The following ZNF699 variants were observed in gnomAD, a reference collection of about 807,000 sequenced individuals.
ZNF699 encodes the protein zinc finger protein 699, also known as hangover homolog.
A neutral mutation model predicts 22.5 loss-of-function variants in ZNF699; 18 were observed. The ratio of observed to expected loss-of-function variants is 0.80; its 90% CI spans 0.55 to 1.19. ZNF699 has a LOEUF of 1.19. ZNF699 is among the 50% of genes most tolerant of loss of function. The pLI, the probability that ZNF699 is intolerant of heterozygous loss-of-function variation, is 0.00. For synonymous variants in ZNF699, 241 were observed against 262.3 expected, an observed-to-expected ratio of 0.92 and a Z score of 0.78; for missense variants, 670 against 763.4, an observed-to-expected ratio of 0.88 and a Z score of 1.44.
chr19:9,304,581 A>G (rs1224162767), intron 2 of ZNF699, among the ~76,000 whole-genome samples: 1 of 152,226 alleles, frequency 6.6e-6, no homozygotes, highest in Non-Finnish European at 1.5e-5. Context: ...GTGTTTATGT[A>G]CTGTCTATGG....
chr19:9,306,132 G>A (rs534191547), intron 1 of ZNF699, among the ~76,000 whole-genome samples: 74 of 150,386 alleles, frequency 4.9e-4, no homozygotes, highest in African/African-American at 1.6e-3. Flanking sequence ...GGTGGCTCAC[G>A]CCTGTAATCC....
At position 9,295,972 on chromosome 19, in the gene ZNF699, T is replaced by TA; in HGVS notation, c.1431dup (p.Lys478Ter). The TA allele has an allele frequency of 6.2e-7, 1 of 1,614,100 alleles. No homozygotes were observed. Among genetic ancestry groups the TA allele is most frequent in the South Asian group, 1.1e-5 (1 of 91,082 alleles). On this transcript the variant is annotated frameshift_variant, in exon 6 of 6. Coordinates refer to ENST00000591998, the MANE Select transcript of ZNF699 (RefSeq NM_198535.3). LOFTEE classifies it low-confidence loss of function (END_TRUNC). ...CGACTAAAGGTCTTCCCACACTCCT[T>TA]ACATTCATACTGTATCTTTCCAGTG...
Position 9,295,147 on chromosome 19 carries a change from G to C in ZNF699, c.*328C>G. 1 of 269,400 alleles carries C rather than the reference G, an allele frequency of 3.7e-6. No homozygotes were observed. The highest frequency in any genetic ancestry group is 6.9e-6 in the Non-Finnish European group (1 of 144,126). 16.7% of individuals were successfully genotyped at this position (269,400 alleles called of 1,614,324 possible). ...AAATTAAAGCACCTCATACTAAAAA[G>C]TATGTGGCTAGAGCTGAAAAGGTAA... On this transcript the variant is annotated 3_prime_UTR_variant, in exon 6 of 6. Coordinates refer to ENST00000591998, the MANE Select transcript of ZNF699 (RefSeq NM_198535.3).
intron 2 of ZNF699, among the ~76,000 whole-genome samples, chr19:9,304,653 C>T (rs1020983974): frequency 6.6e-6 from 1 of 152,176 alleles, no homozygotes; most frequent in Non-Finnish European, 1.5e-5. Flanking sequence ...CGGCCGGGCA[C>T]GGTGGCTCAT....
intron 1 of ZNF699, among the ~76,000 whole-genome samples, chr19:9,305,790 C>T (rs144090152): frequency 0.024 from 3,664 of 152,052 alleles, 101 homozygotes; most frequent in African/African-American, 0.076. Flanking sequence ...CAACCTCCAC[C>T]TCCCGGGTTC....
intron 3 of ZNF699, among the ~76,000 whole-genome samples, chr19:9,300,065 G>A (rs2066301679): frequency 6.6e-6 from 1 of 152,180 alleles, no homozygotes; most frequent in South Asian, 2.1e-4. Context: ...ATGCTGGTGA[G>A]GATGAGGAGC....
At chr19:9,298,307 G>A (rs935224431) in intron 3 of ZNF699, among the ~76,000 whole-genome samples, 6 of 152,034 alleles carry the variant, frequency 3.9e-5, no homozygotes, top group African/African-American at 9.7e-5. Flanking sequence ...TTAGCAGGGT[G>A]TGGTGGAGCA....
chr19:9,300,436 C>T (rs1568345979), intron 3 of ZNF699, among the ~76,000 whole-genome samples: 2 of 152,168 alleles, frequency 1.3e-5, no homozygotes. Flanking sequence ...AACTGAATTG[C>T]ACTCCTTTTA....
chr19:9,306,240 AAATT>A (rs979466344), intron 1 of ZNF699, among the ~76,000 whole-genome samples: 2 of 152,080 alleles, frequency 1.3e-5, no homozygotes, highest in African/African-American at 4.8e-5. Context: ...AAAAATACAA[AAATT>A]AGCCAGGCGT....
intron 3 of ZNF699, among the ~76,000 whole-genome samples, chr19:9,299,384 T>C (rs1216636859): frequency 6.6e-6 from 1 of 152,208 alleles, no homozygotes; most frequent in Non-Finnish European, 1.5e-5. Context: ...TTCACCCGCC[T>C]CGGCCTCCCA....
intron 2 of ZNF699, among the ~76,000 whole-genome samples, chr19:9,304,450 G>A (rs558475077): frequency 6.6e-6 from 1 of 151,864 alleles, no homozygotes; most frequent in South Asian, 2.1e-4. Context: ...TTGAAGCCAG[G>A]CCCACAGCTG....
At position 9,293,623 on chromosome 19, in the gene ZNF699, G is replaced by T. The variant is rs937879698; in HGVS notation, c.*1852C>A. Among the ~76,000 whole-genome samples, 4 of 152,172 alleles carry T rather than the reference G, an allele frequency of 2.6e-5. No homozygotes were observed. In the East Asian group the frequency reaches 7.7e-4, roughly 29 times the overall value. ...TATAGTAAGAGTCAAAATTGTGGTT[G>T]CCCTGTGGAGTAATTATCACTGAGA... On this transcript the variant is annotated 3_prime_UTR_variant, in exon 6 of 6. Coordinates refer to ENST00000591998, the MANE Select transcript of ZNF699 (RefSeq NM_198535.3).
At position 9,292,326 on chromosome 19, in the gene ZNF699, C is replaced by G. The variant is rs981917055; in HGVS notation, c.*3149G>C. On this transcript the variant is annotated 3_prime_UTR_variant, in exon 6 of 6. Coordinates refer to ENST00000591998, the MANE Select transcript of ZNF699 (RefSeq NM_198535.3). ...ATTCCCCAGGCCAGTGACTAGAGTACAGTGGGCAAGTGAGCCAATCAGAGC... is the reference window on the plus strand; with the variant it reads ...ATTCCCCAGGCCAGTGACTAGAGTAGAGTGGGCAAGTGAGCCAATCAGAGC... 6.6e-6 allele frequency among the ~76,000 whole-genome samples: 1 copy of G among 152,112 alleles called. No individual in the cohort carries two copies. Among genetic ancestry groups the G allele is most frequent in the Non-Finnish European group, 1.5e-5 (1 of 68,018 alleles).
chr19:9,296,955 T>A (rs763891838), intron 5 of ZNF699, 22 bp from the exon 6 acceptor site: 1 of 1,507,168 alleles, frequency 6.6e-7, no homozygotes, highest in Non-Finnish European at 8.9e-7. Context: ...AAAAGACACA[T>A]TATTAGTAAT....
Position 9,295,724 on chromosome 19 carries a change from T to C in ZNF699, c.1680A>G (p.Glu560=). 1 of 1,614,070 alleles carries C rather than the reference T, an allele frequency of 6.2e-7. No homozygotes were observed. The highest frequency in any genetic ancestry group is 1.6e-4 in the Middle Eastern group (1 of 6,062). The change falls in exon 6 of 6, where the codon GAA becomes GAG. Residue 560 remains glutamate (E), a synonymous_variant. Coordinates refer to ENST00000591998, the MANE Select transcript of ZNF699 (RefSeq NM_198535.3). ...GAAATGCTTTCCCACATTCCTTACATTCATAGGGTTTTTCCCCAGTGTGCG... is the reference window on the plus strand; with the variant it reads ...GAAATGCTTTCCCACATTCCTTACACTCATAGGGTTTTTCCCCAGTGTGCG... ...MRTHTGEKPY[E]CKECGKAFRH...
Position 9,299,157 on chromosome 19 carries a change from C to T in ZNF699, c.176-1167G>A, listed in dbSNP as rs193143271. 1.1e-3 allele frequency among the ~76,000 whole-genome samples: 165 copies of T among 152,204 alleles called. 1 individual carries two copies. Among genetic ancestry groups the T allele is most frequent in the South Asian group, 8.7e-3 (42 of 4,820 alleles). ...TAAATTTTTTTTCTTTTTTTTGAGA[C>T]GGAGTCTCGCTCTGTCGCCCAGGCG... On this transcript the variant is annotated intron_variant, in intron 3 of 5. Transcript: ENST00000591998.
chr19:9,304,967 A>G (rs1174106374), intron 2 of ZNF699, 105 bp downstream of exon 2: 1 of 819,138 alleles, frequency 1.2e-6, no homozygotes, highest in Non-Finnish European at 2.0e-6. Flanking sequence ...CTAAAATACT[A>G]TGTGGTCCAA....
chr19:9,301,437 C>T (rs572527287), intron 3 of ZNF699, among the ~76,000 whole-genome samples: 113 of 152,258 alleles, frequency 7.4e-4, no homozygotes, highest in African/African-American at 2.5e-3. Context: ...GAGAACATGG[C>T]CCTGCTGATC....
chr19:9,296,143 A>G lies in ZNF699; in HGVS notation c.1261T>C (p.Cys421Arg), dbSNP rs770848388. The change falls in exon 6 of 6, where the codon TGT (cysteine) becomes CGT (arginine). Residue 421 changes from cysteine (C) to arginine (R), a missense_variant. Cys to Arg is a radical substitution (Grantham distance 180, BLOSUM62 -3). Coordinates refer to ENST00000591998, the MANE Select transcript of ZNF699 (RefSeq NM_198535.3). ...RKHTGEKPYE[C>R]LECGKAFYLP... ...TAGAAGGCCTTTCCACATTCCAGAC[A>G]TTCATACGGTTTTTCTCCAGTGTGT... 6.2e-7 allele frequency: 1 copy of G among 1,613,954 alleles called. No homozygotes were observed. The highest frequency in any genetic ancestry group is 8.5e-7 in the Non-Finnish European group (1 of 1,180,004).
Sources: allele counts gnomAD v4.1 joint callset (sites outside exome capture counted in the v4.1 genomes callset), GRCh38; gene constraint gnomAD v4.1.1; transcripts MANE v1.5; gene names NCBI Gene and HGNC (gene_info 2026-07-23, HGNC 2026-07-21).